Variants in GAPVD1 observed in about 807,000 individuals in gnomAD.
GAPVD1 encodes the protein GTPase activating protein and VPS9 domains 1, also known as GTPase-activating protein and VPS9 domain-containing protein 1.
Under a neutral mutation model 155.5 loss-of-function variants are expected in GAPVD1, and 35 were observed. The ratio of observed to expected loss-of-function variants is 0.23; its 90% CI spans 0.17 to 0.30. The LOEUF is 0.30. Among genes scored for constraint, GAPVD1 ranks in the 10% least tolerant of loss-of-function variants. GAPVD1 has a pLI of 1.00. For synonymous variants in GAPVD1, 636 were observed against 619.7 expected (o/e 1.03, Z -0.39); for missense variants, 1,429 against 1,775.7 (o/e 0.80, Z 3.51).
intron 18 of GAPVD1, 37 bp downstream of exon 18, chr9:125,341,301 T>C: frequency 9.8e-7 from 1 of 1,023,208 alleles, no homozygotes; most frequent in Non-Finnish European, 1.5e-6. Flanking sequence ...GTATTAGCAA[T>C]AAGAAGCAAA....
chr9:125,293,879 T>TAA (rs1489364679), intron 2 of GAPVD1, among the ~76,000 whole-genome samples: 1 of 20,376 alleles, frequency 4.9e-5, no homozygotes, highest in African/African-American at 2.0e-4. Context: ...TATATATATA[T>TAA]ATATATATAT....
At chr9:125,359,331 T>G in intron 25 of GAPVD1, 89 bp from the exon 26 acceptor site, 1 of 782,444 alleles carries the variant, frequency 1.3e-6, no homozygotes, top group Non-Finnish European at 2.3e-6. Flanking sequence ...TCAACATGTT[T>G]CACGTGTTTT....
At chr9:125,294,808 T>C (rs572671748) in intron 2 of GAPVD1, among the ~76,000 whole-genome samples, 1 of 152,040 alleles carries the variant, frequency 6.6e-6, no homozygotes, top group African/African-American at 2.4e-5. Flanking sequence ...CTGGAGACAC[T>C]ATGTTTTGTG....
At chr9:125,293,880 A>AAATATAT (rs1564312137) in intron 2 of GAPVD1, among the ~76,000 whole-genome samples, 1 of 20,396 alleles carries the variant, frequency 4.9e-5, no homozygotes, top group African/African-American at 2.1e-4. Context: ...ATATATATAT[A>AAATATAT]TATATATATA....
chr9:125,307,622 A>G (rs535312518), intron 7 of GAPVD1, 69 bp from the exon 8 acceptor site: 5 of 1,558,998 alleles, frequency 3.2e-6, no homozygotes, highest in East Asian at 4.5e-5. Flanking sequence ...ACATGAGTAC[A>G]TTGTGTGGGA....
At chr9:125,340,219 C>T (rs539393579) in intron 17 of GAPVD1, among the ~76,000 whole-genome samples, 64 of 152,306 alleles carry the variant, frequency 4.2e-4, no homozygotes, top group African/African-American at 1.4e-3. Flanking sequence ...TGAGGTTTCA[C>T]CTTGTTGGCC....
rs201462650 is a variant in GAPVD1, at chr9:125,349,532, T to C, written c.3299+13T>C. ...CTTTCTCTTACAGGTATTTCTTTTA[T>C]AGGATTTGGGACTTTAGGGTTTGGA... On this transcript the variant is annotated intron_variant, in intron 21 of 27. Transcript: ENST00000297933. 5 of 1,613,160 alleles carry C rather than the reference T, an allele frequency of 3.1e-6. No homozygotes were observed. Among genetic ancestry groups the C allele is most frequent in the East Asian group, 2.2e-5 (1 of 44,862 alleles).
intron 9 of GAPVD1, among the ~76,000 whole-genome samples, chr9:125,313,408 G>A (rs1842941428): frequency 6.7e-6 from 1 of 149,528 alleles, no homozygotes; most frequent in Non-Finnish European, 1.5e-5. Context: ...GATTCACACT[G>A]TTCTCCTGCC....
intron 1 of GAPVD1, among the ~76,000 whole-genome samples, chr9:125,268,659 T>C (rs1374212711): frequency 1.3e-5 from 2 of 151,862 alleles, no homozygotes; most frequent in African/African-American, 4.8e-5. Flanking sequence ...GACACCATGC[T>C]TGGCTAACTT....
At position 125,307,808 on chromosome 9, in the gene GAPVD1, A is replaced by G. The variant is rs538146235; in HGVS notation, c.1369A>G (p.Met457Val). ...GCCAGGAAAAAGTAGCAGTTTAGAA[A>G]TGACTCCCTACAATACACCTCAGCT... Reference protein sequence around the residue: ...AKPGKSSSLEMTPYNTPQLSP... With the variant: ...AKPGKSSSLEVTPYNTPQLSP... Residue 457 changes from methionine (M) to valine (V), a missense_variant, in exon 8 of 28, where the codon ATG becomes GTG. Physicochemically the swap from Met to Val is conservative, Grantham distance 21. Around this residue, in one of 4 missense-constraint regions of GAPVD1, gnomAD observed 628 missense variants for 733.4 expected, o/e 0.86. Coordinates refer to ENST00000297933, the MANE Select transcript of GAPVD1 (RefSeq NM_001282680.3). The G allele has an allele frequency of 9.9e-6, 16 of 1,613,654 alleles. No homozygotes were observed. The highest frequency in any genetic ancestry group is 1.7e-5 in the Admixed American group (1 of 59,998).
chr9:125,302,301 G>A lies in GAPVD1; in HGVS notation c.504G>A (p.Arg168=), dbSNP rs1841029488. ...AACTTAAAGAAAGTGACAACCCTAG[G>A]CGACTTTTGAGGAGAGGAACTTGTG... The part of the protein sequence containing the change: ...EFELKESDNP[R]RLLRRGTCAF... Residue 168 remains arginine (R), a synonymous_variant, in exon 5 of 28, where the codon AGG becomes AGA. Transcript: ENST00000297933. 2 of 1,613,896 alleles carry A rather than the reference G, an allele frequency of 1.2e-6. No homozygotes were observed. Among genetic ancestry groups the A allele is most frequent in the African/African-American group, 1.3e-5 (1 of 74,910 alleles).
At chr9:125,318,252 G>A (rs1398933585) in intron 9 of GAPVD1, among the ~76,000 whole-genome samples, 1 of 152,218 alleles carries the variant, frequency 6.6e-6, no homozygotes, top group Non-Finnish European at 1.5e-5. Context: ...CTCCCAAAGT[G>A]TTGGGATTAG....
chr9:125,289,157 G>C (rs540663968), intron 2 of GAPVD1, among the ~76,000 whole-genome samples: 1 of 152,282 alleles, frequency 6.6e-6, no homozygotes, highest in South Asian at 2.1e-4. Context: ...ATAGAGTCCA[G>C]ATATTGAGTG....
At chr9:125,362,267 A>G (rs1221358091) in intron 27 of GAPVD1, among the ~76,000 whole-genome samples, 1 of 152,192 alleles carries the variant, frequency 6.6e-6, no homozygotes. Context: ...ATTTGCCTAC[A>G]GCATTTATTT....
intron 16 of GAPVD1, 43 bp from the exon 17 acceptor site, chr9:125,337,178 T>A: frequency 6.2e-7 from 1 of 1,611,300 alleles, no homozygotes; most frequent in Non-Finnish European, 8.5e-7. Context: ...CTTTGTTAGA[T>A]ATGTTGTGTC....
chr9:125,352,960 T>A (rs1286864399), intron 23 of GAPVD1, among the ~76,000 whole-genome samples: 1 of 151,948 alleles, frequency 6.6e-6, no homozygotes, highest in Non-Finnish European at 1.5e-5. Context: ...TACAAAAAAT[T>A]AGCTAGGTAT....
At chr9:125,338,631 G>C (rs1847371623) in intron 17 of GAPVD1, among the ~76,000 whole-genome samples, 1 of 152,144 alleles carries the variant, frequency 6.6e-6, no homozygotes, top group Non-Finnish European at 1.5e-5. Context: ...CTTGTGATTA[G>C]ACTGAGGTTA....
intron 4 of GAPVD1, among the ~76,000 whole-genome samples, chr9:125,299,878 G>T (rs987785300): frequency 1.2e-4 from 17 of 144,252 alleles, no homozygotes; most frequent in Non-Finnish European, 2.3e-4. Flanking sequence ...AATTAGCGGG[G>T]CATGGTGGCA....
At chr9:125,330,380 G>A (rs561303736) in intron 13 of GAPVD1, among the ~76,000 whole-genome samples, 162 bp downstream of exon 13, 4 of 150,534 alleles carry the variant, frequency 2.7e-5, no homozygotes, top group South Asian at 2.1e-4. Flanking sequence ...GTGCTGTGGC[G>A]CGATCCCAAC....
Sources: allele counts gnomAD v4.1 joint callset (sites outside exome capture counted in the v4.1 genomes callset), GRCh38; gene constraint gnomAD v4.1.1; regional missense constraint gnomAD v4.1.1; transcripts MANE v1.5; gene names NCBI Gene and HGNC (gene_info 2026-07-23, HGNC 2026-07-21).